The following FLACC1 variants were observed in gnomAD, a reference collection of about 807,000 sequenced individuals.
FLACC1 encodes flagellum-associated coiled-coil domain-containing protein 1.
FLACC1 carries 66 observed loss-of-function variants against 62.8 expected under a neutral mutation model. The ratio of observed to expected loss-of-function variants is 1.05; its 90% CI spans 0.86 to 1.29. The LOEUF (loss-of-function observed/expected upper bound fraction) is 1.29, where lower values mean the gene tolerates loss of function less well. Among genes scored for constraint, FLACC1 ranks in the 50% most tolerant of loss-of-function variants. The probability of loss-of-function intolerance (pLI) is 0.00; values close to 1 mark genes in which losing one functional copy is unlikely to be tolerated. For synonymous variants in FLACC1, 156 were observed against 161.0 expected (o/e 0.97, Z 0.24); for missense variants, 452 against 489.1 (o/e 0.92, Z 0.71).
chr2:201,347,563 TA>T (rs1448343915), intron 4 of FLACC1, among the ~76,000 whole-genome samples: 2 of 150,136 alleles, frequency 1.3e-5, no homozygotes, highest in African/African-American at 4.9e-5. Flanking sequence ...TAATAAATAA[TA>T]GGTGGTCAAT....
intron 12 of FLACC1, among the ~76,000 whole-genome samples, chr2:201,298,721 A>C (rs1316840893): frequency 2.6e-5 from 4 of 152,218 alleles, no homozygotes. Flanking sequence ...TCAAATTTTC[A>C]GTGATGGAAG....
intron 9 of FLACC1, among the ~76,000 whole-genome samples, chr2:201,328,237 TA>T (rs1950531910): frequency 6.6e-6 from 1 of 151,770 alleles, no homozygotes; most frequent in African/African-American, 2.4e-5. Context: ...ATGGGTGCAC[TA>T]AAGTCTCAGA....
chr2:201,324,684 TA>T (rs2125585807), intron 9 of FLACC1, among the ~76,000 whole-genome samples: 1 of 152,190 alleles, frequency 6.6e-6, no homozygotes, highest in South Asian at 2.1e-4. Flanking sequence ...AGAATAAAAC[TA>T]AAAATCAATT....
rs931185484 is a variant in FLACC1, at chr2:201,326,515, T to C, written c.675+3955A>G. On this transcript the variant is annotated intron_variant, in intron 9 of 14. Transcript: ENST00000392257. The surrounding 1 kb of genome is among the most constrained non-coding windows in gnomAD (Gnocchi z 4.1). ...TGTACACATATCAGTAGCACTGCTA[T>C]ACGCTAACAACGACCAAGCTGAGAA... 1.3e-5 allele frequency among the ~76,000 whole-genome samples: 2 copies of C among 152,212 alleles called. No homozygotes were observed. The highest frequency in any genetic ancestry group is 2.9e-5 in the Non-Finnish European group (2 of 68,040).
chr2:201,299,326 G>T (rs770790240), intron 11 of FLACC1, 26 bp from the exon 12 acceptor site: 3 of 1,600,824 alleles, frequency 1.9e-6, no homozygotes, highest in Non-Finnish European at 8.6e-7. Context: ...TTGGGAAAAG[G>T]TTAGCACTGT....
chr2:201,330,971 CTTTTT>C (rs375781288), intron 7 of FLACC1, 138 bp from the exon 8 acceptor site: 33 of 424,896 alleles, frequency 7.8e-5, no homozygotes, highest in East Asian at 1.6e-4. Flanking sequence ...ATTTTTAAAT[CTTTTT>C]TTTTTTTTTT....
intron 14 of FLACC1, 117 bp from the exon 15 acceptor site, chr2:201,288,898 C>T: frequency 8.3e-7 from 1 of 1,200,224 alleles, no homozygotes; most frequent in Non-Finnish European, 1.1e-6. Flanking sequence ...CAGTCTCTCA[C>T]TCATTACTTG....
At chr2:201,347,875 C>T (rs1303127940) in intron 4 of FLACC1, among the ~76,000 whole-genome samples, 1 of 152,184 alleles carries the variant, frequency 6.6e-6, no homozygotes, top group Non-Finnish European at 1.5e-5. Context: ...CGCCCCTGCT[C>T]CCCTGAGGGG....
At chr2:201,336,918 G>A (rs1950707241) in intron 7 of FLACC1, among the ~76,000 whole-genome samples, 2 of 152,098 alleles carry the variant, frequency 1.3e-5, no homozygotes, top group Non-Finnish European at 2.9e-5. Flanking sequence ...ACACATACTT[G>A]TTGGCTATTC....
intron 5 of FLACC1, among the ~76,000 whole-genome samples, chr2:201,345,244 G>A (rs754541990): frequency 6.6e-6 from 1 of 152,206 alleles, no homozygotes; most frequent in South Asian, 2.1e-4. Context: ...AATGCCCCTG[G>A]GTGGGAAGAC....
intron 12 of FLACC1, among the ~76,000 whole-genome samples, chr2:201,295,656 C>T (rs1325362288): frequency 6.6e-6 from 1 of 152,114 alleles, no homozygotes; most frequent in African/African-American, 2.4e-5. Context: ...CCTAAATTGG[C>T]AAATGGGATC....
chr2:201,339,654 A>G (rs1358564001), intron 7 of FLACC1, among the ~76,000 whole-genome samples: 5 of 151,150 alleles, frequency 3.3e-5, no homozygotes, highest in Admixed American at 3.3e-4. Flanking sequence ...TAATTTCTTC[A>G]TTGTTCTATT....
chr2:201,346,981 C>G lies in FLACC1; in HGVS notation c.235-306G>C, dbSNP rs1245543699. Reference sequence around the variant, plus strand: ...GAGCCCAGAGGAGGTGGGCATGCGGCAACTGCTCGGGTTTTGGAATCACAG... The same window carrying G: ...GAGCCCAGAGGAGGTGGGCATGCGGGAACTGCTCGGGTTTTGGAATCACAG... On this transcript the variant is annotated intron_variant, in intron 4 of 14. Transcript: ENST00000392257. The surrounding 1 kb of genome is among the most constrained non-coding windows in gnomAD (Gnocchi z 4.0). Among the ~76,000 whole-genome samples the G allele has an allele frequency of 1.3e-5, 2 of 152,216 alleles. No homozygotes were observed. The highest frequency in any genetic ancestry group is 4.8e-5 in the African/African-American group (2 of 41,462).
intron 10 of FLACC1, 135 bp downstream of exon 10, chr2:201,309,016 C>T: frequency 1.4e-6 from 1 of 719,690 alleles, no homozygotes. Context: ...ACTCTGGGCA[C>T]CTTCCATTCA....
rs1949638844 is a variant in FLACC1, at chr2:201,288,450, G to C, written c.*205C>G. On this transcript the variant is annotated 3_prime_UTR_variant, in exon 15 of 15. Transcript: ENST00000392257. ...CAGAGAAAGCTCAGCTCCCAGTATGGAGAGCATCATTTTTCAGTGAAGAGT... is the reference window on the plus strand; with the variant it reads ...CAGAGAAAGCTCAGCTCCCAGTATGCAGAGCATCATTTTTCAGTGAAGAGT... The C allele has an allele frequency of 5.8e-6, 3 of 514,352 alleles. No individual in the cohort carries two copies. The highest frequency in any genetic ancestry group is 3.5e-5 in the Admixed American group (1 of 28,434). The allele number at this position is 514,352 out of a possible 1,614,324, so 31.9% of individuals were successfully genotyped here.
chr2:201,321,939 G>C (rs1448461068), intron 9 of FLACC1, among the ~76,000 whole-genome samples: 1 of 152,076 alleles, frequency 6.6e-6, no homozygotes, highest in Non-Finnish European at 1.5e-5. Flanking sequence ...CTCCCCTACT[G>C]GCCTGAAGCT....
At chr2:201,317,038 G>A (rs1005266753) in intron 9 of FLACC1, among the ~76,000 whole-genome samples, 5 of 152,056 alleles carry the variant, frequency 3.3e-5, no homozygotes. Context: ...TAGCATACAA[G>A]GGCCATACCT....
intron 12 of FLACC1, among the ~76,000 whole-genome samples, chr2:201,298,261 C>T (rs1949907549): frequency 4.6e-5 from 7 of 152,150 alleles, no homozygotes; most frequent in Admixed American, 4.6e-4. Flanking sequence ...TTTAGTTCTG[C>T]CCAACGAAGC....
chr2:201,327,465 GA>G (rs139728642), intron 9 of FLACC1, among the ~76,000 whole-genome samples: 3 of 151,602 alleles, frequency 2.0e-5, no homozygotes, highest in Admixed American at 1.3e-4. Context: ...AAATCAGCAA[GA>G]AAAAAACAAA....
Sources: allele counts gnomAD v4.1 joint callset (sites outside exome capture counted in the v4.1 genomes callset), GRCh38; gene constraint gnomAD v4.1.1; non-coding constraint Gnocchi (gnomAD v3.1); transcripts MANE v1.5; gene names NCBI Gene and HGNC (gene_info 2026-07-23, HGNC 2026-07-21).